Variants in USP28 observed in about 807,000 individuals in gnomAD.
USP28 encodes the protein ubiquitin specific peptidase 28, also known as ubiquitin carboxyl-terminal hydrolase 28.
In USP28, 113 loss-of-function variants were observed where a neutral mutation model predicts 145.0. That is an observed-to-expected ratio of 0.78 (90% CI 0.67 to 0.91). The LOEUF is 0.91. USP28 is among the 40% of genes least tolerant of loss of function. USP28 has a pLI of 0.00. For missense variants in USP28, 1,201 were observed against 1,289.6 expected, an observed-to-expected ratio of 0.93 and a Z score of 1.05; for synonymous variants, 447 against 450.9, an observed-to-expected ratio of 0.99 and a Z score of 0.11.
chr11:113,813,869 T>A lies in USP28; in HGVS notation c.1743+16A>T. On this transcript the variant is annotated intron_variant, in intron 15 of 24. Transcript: ENST00000003302. ...AGCACATGCCTTGACTACTTTCCCA[T>A]CAATTTTCATTCTACCTGACGAAGG... is the stretch of plus-strand genomic sequence containing the variant. 1 of 1,607,214 alleles carries A rather than the reference T, an allele frequency of 6.2e-7. No homozygotes were observed. Among genetic ancestry groups the A allele is most frequent in the East Asian group, 2.2e-5 (1 of 44,794 alleles).
rs550046235 is a variant in USP28, at chr11:113,865,476, G to A, written c.57+9969C>T. ...ATCCAAAGCTACGGTTATCATAACA[G>A]TGTAGTACTGGCATAAGGACAGATA... On this transcript the variant is annotated intron_variant, in intron 1 of 24. Coordinates refer to ENST00000003302, the Ensembl canonical transcript of USP28. 3.3e-5 allele frequency among the ~76,000 whole-genome samples: 5 copies of A among 152,302 alleles called. 1 individual carries two copies. In the South Asian group the frequency reaches 1.0e-3, roughly 32 times the overall value.
chr11:113,805,145 A>C, intron 19 of USP28, 99 bp from the exon 21 acceptor site: 1 of 1,100,864 alleles, frequency 9.1e-7, no homozygotes, highest in Non-Finnish European at 1.3e-6. Context: ...GACTCTAAAA[A>C]GACTTCTAAA....
At chr11:113,799,506 C>CA in intron 24 of USP28, 91 bp from the exon 26 acceptor site, 4 of 1,383,702 alleles carry the variant, frequency 2.9e-6, no homozygotes, top group Non-Finnish European at 3.9e-6. Context: ...TACCTAACCT[C>CA]AAAGGTCAAA....
chr11:113,802,522 G>C lies in USP28; in HGVS notation c.2862+636C>G, dbSNP rs570638364. Among the ~76,000 whole-genome samples, 14 of 152,148 alleles carry C rather than the reference G, an allele frequency of 9.2e-5. No homozygotes were observed. The South Asian group carries it at 2.9e-3, about 32-fold the overall frequency. ...TCTGAAGGCAGGCCACCCCTTTACA[G>C]TTCTCCAAAGGACACACATCACATA... On this transcript the variant is annotated intron_variant, in intron 23 of 24. Coordinates refer to ENST00000003302, the Ensembl canonical transcript of USP28.
chr11:113,813,478 G>A (rs1941292856), intron 15 of USP28, among the ~76,000 whole-genome samples: 1 of 152,168 alleles, frequency 6.6e-6, no homozygotes, highest in Non-Finnish European at 1.5e-5. Context: ...TATTATTACA[G>A]AAATAAAGCT....
At chr11:113,826,868 G>A (rs541205056) in intron 11 of USP28, among the ~76,000 whole-genome samples, 20 of 150,382 alleles carry the variant, frequency 1.3e-4, no homozygotes, top group Admixed American at 1.1e-3. Context: ...TCGGTGAGCC[G>A]AGATTGCGCC....
intron 1 of USP28, among the ~76,000 whole-genome samples, chr11:113,869,011 G>T (rs1347640243): frequency 6.6e-6 from 1 of 151,846 alleles, no homozygotes. Context: ...ACTAACATCT[G>T]AGGTCAGGCA....
chr11:113,822,604 G>A (rs1380484947), intron 12 of USP28: 1 of 152,134 alleles, frequency 6.6e-6, no homozygotes, highest in Non-Finnish European at 1.5e-5. Context: ...ACATGATACT[G>A]CATCCAGTTG....
At chr11:113,850,624 G>C (rs1946350860) in intron 3 of USP28, among the ~76,000 whole-genome samples, 1 of 152,142 alleles carries the variant, frequency 6.6e-6, no homozygotes, top group Admixed American at 6.5e-5. Context: ...GGTTCTCCTT[G>C]GTCTCTCCTC....
At chr11:113,803,302 A>C (rs1286418892) in intron 22 of USP28, 21 bp from the exon 24 acceptor site, 1 of 1,593,042 alleles carries the variant, frequency 6.3e-7, no homozygotes, top group East Asian at 2.3e-5. Context: ...TGGGAGATAA[A>C]CAACAGCTGA....
intron 1 of USP28, among the ~76,000 whole-genome samples, chr11:113,864,225 AGT>A (rs1452407907): frequency 6.6e-6 from 1 of 152,218 alleles, no homozygotes; most frequent in Non-Finnish European, 1.5e-5. Context: ...TGGGCAACAG[AGT>A]GAGACTCTGT....
chr11:113,807,031 C>T (rs1225163297), intron 18 of USP28, among the ~76,000 whole-genome samples: 4 of 151,680 alleles, frequency 2.6e-5, no homozygotes, highest in Non-Finnish European at 4.4e-5. Flanking sequence ...TGGAAACTAG[C>T]GACTATACAA....
At position 113,829,250 on chromosome 11, in the gene USP28, C is replaced by A. The variant is rs552990891; in HGVS notation, c.1006G>T (p.Glu336Ter). 1 of 1,614,154 alleles carries A rather than the reference C, an allele frequency of 6.2e-7. No homozygotes were observed. The highest frequency in any genetic ancestry group is 1.3e-5 in the African/African-American group (1 of 75,050). The change falls in exon 10 of 25, where the codon GAG becomes TAG. Residue 336 changes from glutamate (E) to a stop codon, truncating the protein, a stop_gained. Coordinates refer to ENST00000003302, the Ensembl canonical transcript of USP28. LOFTEE classifies it high-confidence loss of function. The stretch of plus-strand genomic sequence containing the variant: ...GAGGGAAGAAGCTCAACATCACCCT[C>A]CACCATGGCCCCTTCCAAACACTCG...
At chr11:113,851,215 C>T (rs1371996330) in intron 3 of USP28, among the ~76,000 whole-genome samples, 1 of 152,216 alleles carries the variant, frequency 6.6e-6, no homozygotes, top group African/African-American at 2.4e-5. Flanking sequence ...CCCCCACATT[C>T]TGTTCTCAAC....
At chr11:113,834,109 A>C in intron 6 of USP28, 140 bp downstream of exon 6, 1 of 578,586 alleles carries the variant, frequency 1.7e-6, no homozygotes, top group Non-Finnish European at 2.9e-6. Context: ...AAAAAAGGAA[A>C]ATGAGCCATT....
At chr11:113,831,937 C>A (rs1434214436) in exon 8 of USP28, 1 of 1,613,766 alleles carries the variant, frequency 6.2e-7, no homozygotes, top group African/African-American at 1.3e-5. Flanking sequence ...TAACAGCTAG[C>A]TGGAATGCGT....
chr11:113,798,091 T>TTG (rs1938268569), exon 25 of USP28: 1 of 90,104 alleles, frequency 1.1e-5, no homozygotes, highest in Non-Finnish European at 2.5e-5. Context: ...TTTTTTTTTT[T>TTG]GTACAAACCC....
At chr11:113,823,084 C>A (rs1028655403) in intron 12 of USP28, among the ~76,000 whole-genome samples, 167 of 152,160 alleles carry the variant, frequency 1.1e-3, no homozygotes, top group African/African-American at 3.5e-3. Context: ...TTACAGAAAA[C>A]CATTCTACAG....
intron 3 of USP28, among the ~76,000 whole-genome samples, chr11:113,842,256 T>A (rs540262110): frequency 6.7e-6 from 1 of 150,012 alleles, no homozygotes; most frequent in African/African-American, 2.5e-5. Context: ...TATTAGCAAA[T>A]AGAACCCAAT....
Sources: allele counts gnomAD v4.1 joint callset (sites outside exome capture counted in the v4.1 genomes callset), GRCh38; gene constraint gnomAD v4.1.1; transcripts MANE v1.5; gene names NCBI Gene and HGNC (gene_info 2026-07-23, HGNC 2026-07-21).